The following GALNT14 variants were observed in gnomAD, a reference collection of about 807,000 sequenced individuals.
The protein encoded by GALNT14 is UDP-GalNAc:polypeptide N-acetylgalactosaminyltransferase 14.
A neutral mutation model predicts 77.5 loss-of-function variants in GALNT14; 60 were observed. The ratio of observed to expected loss-of-function variants is 0.77; its 90% CI spans 0.63 to 0.96. The LOEUF is 0.96. Ranked by LOEUF, GALNT14 falls within the 40% of genes least tolerant of loss-of-function variation. GALNT14 has a pLI of 0.00. For synonymous variants in GALNT14, 280 were observed against 281.7 expected, an observed-to-expected ratio of 0.99 and a Z score of 0.06; for missense variants, 710 against 731.0, an observed-to-expected ratio of 0.97 and a Z score of 0.33.
chr2:30,927,283 T>C (rs1665447228), intron 11 of GALNT14, among the ~76,000 whole-genome samples: 1 of 152,196 alleles, frequency 6.6e-6, no homozygotes, highest in African/African-American at 2.4e-5. Context: ...GGAACTCTGA[T>C]ATGCAGACTA....
chr2:31,105,523 C>T (rs993114742), intron 1 of GALNT14, among the ~76,000 whole-genome samples: 1 of 152,072 alleles, frequency 6.6e-6, no homozygotes, highest in Non-Finnish European at 1.5e-5. Flanking sequence ...GTCAGGAGTT[C>T]GAGACCAGCC....
chr2:30,995,948 T>C (rs143461581), intron 1 of GALNT14, among the ~76,000 whole-genome samples: 20 of 152,306 alleles, frequency 1.3e-4, no homozygotes, highest in African/African-American at 4.8e-4. Flanking sequence ...ATGTTTCCAG[T>C]GGAGTCTGAA....
chr2:31,021,453 C>T lies in GALNT14; in HGVS notation c.130-28446G>A, dbSNP rs530653053. Among the ~76,000 whole-genome samples the T allele has an allele frequency of 4.0e-5, 6 of 151,886 alleles. No homozygotes were observed. The South Asian group carries it at 1.0e-3, about 27-fold the overall frequency. The stretch of plus-strand genomic sequence containing the variant: ...CCGAGTAGCTGGGATTACAGGCGCC[C>T]ACCACGACACCTGGCTAATTTTTTG... On this transcript the variant is annotated intron_variant, in intron 1 of 14. Coordinates refer to ENST00000349752, the MANE Select transcript of GALNT14 (RefSeq NM_024572.4).
Position 31,138,181 on chromosome 2 carries a change from G to T in GALNT14, c.-95C>A. 1 of 1,478,870 alleles carries T rather than the reference G, an allele frequency of 6.8e-7. No homozygotes were observed. The highest frequency in any genetic ancestry group is 9.3e-7 in the Non-Finnish European group (1 of 1,073,974). The allele number at this position is 1,478,870 out of a possible 1,614,324, so 91.6% of individuals were successfully genotyped here. ...GGGCAGGAGTCCTGGCGAGCGCCTC[G>T]CTCTGGGGAGCTCTAGACCCAGGAT... On this transcript the variant is annotated 5_prime_UTR_variant, in exon 1 of 15. Transcript: ENST00000349752.
At chr2:30,891,112 T>C in the GALNT14 span, among the ~76,000 whole-genome samples, 29 of 152,316 alleles carry the variant, frequency 1.9e-4, 1 homozygote, top group South Asian at 3.9e-3. Flanking sequence ...CAGGGACATA[T>C]GGGCTACAAT....
intron 1 of GALNT14, among the ~76,000 whole-genome samples, chr2:31,026,120 C>T (rs1448692839): frequency 3.3e-5 from 5 of 152,176 alleles, no homozygotes; most frequent in East Asian, 1.9e-4. Context: ...TCAGACATGC[C>T]GAGTCCACCA....
chr2:31,023,917 T>A (rs1164389193), intron 1 of GALNT14, among the ~76,000 whole-genome samples: 1 of 152,132 alleles, frequency 6.6e-6, no homozygotes, highest in African/African-American at 2.4e-5. Flanking sequence ...CCCAAATTTA[T>A]ATCTTTGCCT....
At chr2:31,129,357 G>A (rs1678864780) in intron 1 of GALNT14, 2 of 984,748 alleles carry the variant, frequency 2.0e-6, no homozygotes, top group South Asian at 9.4e-5. Flanking sequence ...ACACCAAGTG[G>A]TGGGGAAAAA....
In GALNT14 at chr2:30,924,096, G is replaced by A. The variant is rs769818968; in HGVS notation, c.1380+23C>T. The A allele has an allele frequency of 8.1e-6, 13 of 1,614,108 alleles. No homozygotes were observed. In the South Asian group the frequency reaches 1.3e-4, roughly 16 times the overall value. On this transcript the variant is annotated intron_variant, in intron 13 of 14. Transcript: ENST00000349752. ...TCCCTCTACTGTGACACATGGTCCT[G>A]TATGCCCAGCCAGTTACTTTACCTG...
intron 1 of GALNT14, among the ~76,000 whole-genome samples, chr2:31,028,418 A>G (rs1436182631): frequency 6.6e-6 from 1 of 152,216 alleles, no homozygotes; most frequent in Non-Finnish European, 1.5e-5. Context: ...CTGAACTAGA[A>G]AGAGACCCTA....
rs776280944 is a variant in GALNT14 at position 30,955,958 on chromosome 2, G to T, written c.486C>A (p.Leu162=). Reference sequence around the variant, plus strand: ...AGCATTTCACCTTGGGCAACTTGATGAGCTGTTTACAGTCATCAGCTGCAA... The same window carrying T: ...AGCATTTCACCTTGGGCAACTTGATTAGCTGTTTACAGTCATCAGCTGCAA... ...FSNDPDDCKQ[L]IKLPKVKCLR... The change falls in exon 5 of 15, where the codon CTC becomes CTA. Residue 162 remains leucine (L), a synonymous_variant. Coordinates refer to ENST00000349752, the MANE Select transcript of GALNT14 (RefSeq NM_024572.4). The T allele has an allele frequency of 1.9e-6, 3 of 1,614,196 alleles. No homozygotes were observed. In the Middle Eastern group the frequency reaches 5.0e-4, roughly 268 times the overall value.
At chr2:30,973,171 C>A (rs1035503932) in intron 2 of GALNT14, among the ~76,000 whole-genome samples, 3 of 152,218 alleles carry the variant, frequency 2.0e-5, no homozygotes, top group Admixed American at 1.3e-4. Flanking sequence ...ATGGGACCAA[C>A]TTCCTGGGAG....
intron 1 of GALNT14, among the ~76,000 whole-genome samples, chr2:31,031,943 G>A (rs1425559741): frequency 6.6e-6 from 1 of 152,210 alleles, no homozygotes; most frequent in Admixed American, 6.5e-5. Context: ...GAATTACTGA[G>A]CTGTGCCTGC....
intron 11 of GALNT14, among the ~76,000 whole-genome samples, chr2:30,928,162 T>C (rs1042382455): frequency 2.6e-5 from 4 of 152,154 alleles, no homozygotes; most frequent in African/African-American, 9.7e-5. Flanking sequence ...AGGGGCAGCA[T>C]GGATTTATGG....
At chr2:31,003,834 G>C (rs1197568056) in intron 1 of GALNT14, among the ~76,000 whole-genome samples, 1 of 152,222 alleles carries the variant, frequency 6.6e-6, no homozygotes, top group Non-Finnish European at 1.5e-5. Flanking sequence ...ACCTTCTATG[G>C]AGATTAATTT....
At chr2:30,976,355 C>T (rs1668624384) in intron 2 of GALNT14, among the ~76,000 whole-genome samples, 1 of 152,166 alleles carries the variant, frequency 6.6e-6, no homozygotes, top group South Asian at 2.1e-4. Flanking sequence ...CTAGAAATGG[C>T]CATTACTCCA....
At chr2:31,111,653 T>C (rs1677842230) in intron 1 of GALNT14, among the ~76,000 whole-genome samples, 1 of 152,232 alleles carries the variant, frequency 6.6e-6, no homozygotes, top group Non-Finnish European at 1.5e-5. Flanking sequence ...GTCATCGCTA[T>C]GACAGTCTGA....
intron 13 of GALNT14, 74 bp from the exon 14 acceptor site, chr2:30,912,416 C>T (rs565123313): frequency 3.8e-5 from 59 of 1,548,162 alleles, no homozygotes; most frequent in East Asian, 1.4e-4. Context: ...ACCACACTTA[C>T]GGGTGTGATT....
chr2:30,913,939 A>G (rs1572956097), intron 13 of GALNT14, among the ~76,000 whole-genome samples: 1 of 152,212 alleles, frequency 6.6e-6, no homozygotes, highest in South Asian at 2.1e-4. Context: ...CTTGGGACAT[A>G]TCAAGAAGTT....
Sources: gnomAD v4.1 joint callset for allele counts (sites outside exome capture counted in the v4.1 genomes callset) on GRCh38, gnomAD v4.1.1 for gene constraint, MANE v1.5 for transcripts, NCBI Gene and HGNC (gene_info 2026-07-23, HGNC 2026-07-21) for gene names.